Variants in LRBA observed in about 807,000 individuals in gnomAD.
LRBA encodes the protein LPS responsive beige-like anchor protein, also known as lipopolysaccharide-responsive and beige-like anchor protein.
LRBA carries 176 observed loss-of-function variants against 330.0 expected under a neutral mutation model. The ratio of observed to expected loss-of-function variants is 0.53; its 90% confidence interval spans 0.47 to 0.60. The LOEUF is 0.60. Ranked by LOEUF, LRBA falls within the 20% of genes least tolerant of loss-of-function variation. The pLI is 0.00. For synonymous variants in LRBA, 1,230 were observed against 1,193.0 expected (o/e 1.03, Z -0.64); for missense variants, 3,259 against 3,444.8 (o/e 0.95, Z 1.35).
chr4:150,837,153 G>A (rs539070709), intron 28 of LRBA, among the ~76,000 whole-genome samples: 5 of 152,044 alleles, frequency 3.3e-5, no homozygotes, highest in South Asian at 2.1e-4. Context: ...CACTGTGGTC[G>A]GAGAGATGGT....
At chr4:150,614,501 T>G (rs1775575165) in intron 37 of LRBA, among the ~76,000 whole-genome samples, 1 of 152,224 alleles carries the variant, frequency 6.6e-6, no homozygotes. Flanking sequence ...TATTGAAACT[T>G]GCCTAAAATT....
chr4:150,932,724 A>G (rs534063842), intron 2 of LRBA, among the ~76,000 whole-genome samples: 1 of 152,004 alleles, frequency 6.6e-6, no homozygotes, highest in South Asian at 2.1e-4. Context: ...AAGATGAGCC[A>G]AGGCAACATA....
At position 150,738,533 on chromosome 4, in the gene LRBA, T is replaced by C. The variant is rs1560751986; in HGVS notation, c.5646-3167A>G. ...GATTGATACAAGTCAAGGAAAACAA[T>C]TGGAGCAATGAAAATGACAAACGTG... On this transcript the variant is annotated intron_variant, in intron 35 of 56. Coordinates refer to ENST00000651943, the MANE Select transcript of LRBA (RefSeq NM_001364905.1). Among the ~76,000 whole-genome samples, 4 of 152,186 alleles carry C rather than the reference T, an allele frequency of 2.6e-5. No homozygotes were observed. The South Asian group carries it at 6.2e-4, about 24-fold the overall frequency.
At chr4:150,806,781 A>C (rs1168292461) in intron 32 of LRBA, among the ~76,000 whole-genome samples, 1 of 152,016 alleles carries the variant, frequency 6.6e-6, no homozygotes, top group African/African-American at 2.4e-5. Flanking sequence ...GAGTTCAAGA[A>C]CCATGACTTC....
In LRBA at chr4:150,571,792, C is replaced by T. The variant is rs550555594; in HGVS notation, c.6330+16256G>A. Among the ~76,000 whole-genome samples the T allele has an allele frequency of 7.7e-4, 115 of 148,656 alleles. 1 individual carries two copies. The highest frequency in any genetic ancestry group is 2.8e-3 in the African/African-American group (113 of 40,688). ...TTCTGTACAATATCACAATGTTAAA[C>T]AAGATATCATAGCAATAAGTTATTT... On this transcript the variant is annotated intron_variant, in intron 40 of 56. Coordinates refer to ENST00000651943, the MANE Select transcript of LRBA (RefSeq NM_001364905.1).
intron 37 of LRBA, among the ~76,000 whole-genome samples, chr4:150,649,657 T>C (rs777811404): frequency 1.8e-4 from 28 of 152,110 alleles, no homozygotes; most frequent in Non-Finnish European, 3.2e-4. Flanking sequence ...ACATCCTGCC[T>C]CTCCAATAAA....
chr4:150,992,955 A>G (rs1236118695), intron 2 of LRBA, among the ~76,000 whole-genome samples: 1 of 152,224 alleles, frequency 6.6e-6, no homozygotes, highest in Non-Finnish European at 1.5e-5. Flanking sequence ...AAGTTTTTAC[A>G]GTATCTTAGA....
intron 2 of LRBA, among the ~76,000 whole-genome samples, chr4:150,992,370 C>G (rs1197478756): frequency 6.6e-6 from 1 of 150,652 alleles, no homozygotes; most frequent in Admixed American, 6.6e-5. Context: ...AGAAAAGGAC[C>G]CAAGCAGAGA....
chr4:150,837,948 T>A lies in LRBA; in HGVS notation c.4570-5972A>T, dbSNP rs528477125. On this transcript the variant is annotated intron_variant, in intron 28 of 56. Coordinates refer to ENST00000651943, the MANE Select transcript of LRBA (RefSeq NM_001364905.1). ...CTGGTACTGGTTGTTCCTTTCCATG[T>A]TTAGTGCTTCCTTCAGGAGCTCTTG... 2.6e-5 allele frequency among the ~76,000 whole-genome samples: 4 copies of A among 151,718 alleles called. No individual in the cohort carries two copies. The East Asian group carries it at 7.7e-4, about 29-fold the overall frequency.
intron 35 of LRBA, among the ~76,000 whole-genome samples, chr4:150,748,921 G>C (rs1169128790): frequency 1.3e-5 from 2 of 152,086 alleles, no homozygotes; most frequent in African/African-American, 2.4e-5. Flanking sequence ...AGTGCTCAAA[G>C]TGCCATCTTA....
chr4:150,840,192 A>T (rs1055646862), intron 28 of LRBA, among the ~76,000 whole-genome samples: 1 of 152,212 alleles, frequency 6.6e-6, no homozygotes, highest in African/African-American at 2.4e-5. Context: ...TCAAATCAAC[A>T]GTATAAAGCC....
At chr4:150,357,233 TA>T (rs772956126) in intron 47 of LRBA, among the ~76,000 whole-genome samples, 3 of 152,052 alleles carry the variant, frequency 2.0e-5, no homozygotes, top group Non-Finnish European at 2.9e-5. Context: ...TATCTTGATA[TA>T]ACTATCAAGC....
intron 34 of LRBA, among the ~76,000 whole-genome samples, chr4:150,784,950 C>T (rs1333710135): frequency 6.6e-6 from 1 of 152,222 alleles, no homozygotes; most frequent in Non-Finnish European, 1.5e-5. Flanking sequence ...TTTGTAACCA[C>T]CCAATGGGCT....
intron 47 of LRBA, among the ~76,000 whole-genome samples, chr4:150,361,126 A>T (rs1253783037): frequency 6.6e-6 from 1 of 152,214 alleles, no homozygotes; most frequent in Non-Finnish European, 1.5e-5. Context: ...CACAAAACTC[A>T]TAAAAGACAC....
intron 40 of LRBA, among the ~76,000 whole-genome samples, chr4:150,525,051 T>C (rs1370564224): frequency 6.6e-6 from 1 of 152,156 alleles, no homozygotes; most frequent in Non-Finnish European, 1.5e-5. Flanking sequence ...ATTGTCCAAT[T>C]ACAAAGGTCT....
intron 40 of LRBA, among the ~76,000 whole-genome samples, chr4:150,573,944 A>C (rs1770206663): frequency 6.6e-6 from 1 of 152,164 alleles, no homozygotes; most frequent in African/African-American, 2.4e-5. Flanking sequence ...TCTAAGGAGA[A>C]GACCAATAAT....
At chr4:150,703,480 T>C (rs1294184512) in intron 36 of LRBA, among the ~76,000 whole-genome samples, 1 of 152,162 alleles carries the variant, frequency 6.6e-6, no homozygotes, top group Admixed American at 6.5e-5. Context: ...TCCAAGCCTA[T>C]ACCAGATGTT....
Position 150,850,780 on chromosome 4 carries a change from T to A in LRBA, c.3948A>T (p.Gln1316His), listed in dbSNP as rs35154927. ...AAAATAATAGATCAGTGAGCAAACG[T>A]TGATGCATCTGAGACCAGTTGAACT... ...IPEFNWSQMH[Q>H]RLLTDLLFSI... Residue 1316 changes from glutamine to histidine, a missense_variant, in exon 24 of 57, where the codon CAA becomes CAT. Physicochemically the swap from Gln to His is conservative, Grantham distance 24 (BLOSUM62 0). Transcript: ENST00000651943. The A allele has an allele frequency of 2.5e-6, 4 of 1,613,734 alleles. No individual in the cohort carries two copies. Among genetic ancestry groups the A allele is most frequent in the Non-Finnish European group, 3.4e-6 (4 of 1,179,672 alleles).
At chr4:150,454,997 T>C (rs1214490044) in intron 44 of LRBA, among the ~76,000 whole-genome samples, 1 of 151,438 alleles carries the variant, frequency 6.6e-6, no homozygotes, top group East Asian at 2.0e-4. Flanking sequence ...TATTATAGTT[T>C]AAGTTTTAGG....
Sources: allele counts gnomAD v4.1 joint callset (sites outside exome capture counted in the v4.1 genomes callset), GRCh38; gene constraint gnomAD v4.1.1; transcripts MANE v1.5; gene names NCBI Gene and HGNC (gene_info 2026-07-23, HGNC 2026-07-21).